FHIT: variants seen among roughly 807,000 people sequenced by gnomAD.
FHIT encodes fragile histidine triad diadenosine triphosphatase, also known as bis(5'-adenosyl)-triphosphatase.
In FHIT, 19 loss-of-function variants were observed where a neutral mutation model predicts 17.9. The ratio of observed to expected loss-of-function variants is 1.06; its 90% CI spans 0.74 to 1.56. The LOEUF (loss-of-function observed/expected upper bound fraction) is 1.56, where lower values mean the gene tolerates loss of function less well. FHIT is among the 40% of genes most tolerant of loss of function. The pLI is 0.00. For synonymous variants in FHIT, 81 were observed against 69.7 expected, an observed-to-expected ratio of 1.16 and a Z score of -0.81; for missense variants, 248 against 189.2, an observed-to-expected ratio of 1.31 and a Z score of -1.82.
chr3:60,177,037 T>A (rs1995067), intron 5 of FHIT, among the ~76,000 whole-genome samples: 1 of 151,798 alleles, frequency 6.6e-6, no homozygotes, highest in Non-Finnish European at 1.5e-5. Flanking sequence ...AAAATGCTCA[T>A]AGGGAGACTG....
intron 5 of FHIT, among the ~76,000 whole-genome samples, chr3:60,294,709 T>C (rs1360690274): frequency 6.6e-6 from 1 of 152,170 alleles, no homozygotes; most frequent in Non-Finnish European, 1.5e-5. Context: ...CTAACCATCC[T>C]TAATCACTGC....
intron 8 of FHIT, among the ~76,000 whole-genome samples, chr3:59,812,992 G>T (rs980380129): frequency 6.6e-6 from 1 of 152,074 alleles, no homozygotes. Flanking sequence ...GGGTTTAACA[G>T]TAAGTCCTAA....
At chr3:60,679,384 A>T (rs1271585524) in intron 4 of FHIT, among the ~76,000 whole-genome samples, 2 of 152,196 alleles carry the variant, frequency 1.3e-5, no homozygotes, top group African/African-American at 4.8e-5. Context: ...AAACATTTTT[A>T]AAAATCACAT....
chr3:60,746,452 G>T (rs530184067), intron 4 of FHIT, among the ~76,000 whole-genome samples: 1 of 152,160 alleles, frequency 6.6e-6, no homozygotes, highest in South Asian at 2.1e-4. Context: ...CGACAGCAGC[G>T]GCCTATGGTT....
chr3:60,288,129 T>A (rs915329516), intron 5 of FHIT, among the ~76,000 whole-genome samples: 1 of 152,140 alleles, frequency 6.6e-6, no homozygotes, highest in African/African-American at 2.4e-5. Context: ...AGGCTGGAAG[T>A]TGGCGCTGGC....
intron 6 of FHIT, among the ~76,000 whole-genome samples, chr3:60,012,712 G>C (rs1171908210): frequency 6.6e-6 from 1 of 152,114 alleles, no homozygotes; most frequent in Non-Finnish European, 1.5e-5. Context: ...GCATGATTTT[G>C]AAATAAATAT....
chr3:60,582,797 T>C (rs1295218705), intron 4 of FHIT, among the ~76,000 whole-genome samples: 10 of 152,184 alleles, frequency 6.6e-5, no homozygotes, highest in African/African-American at 2.4e-4. Flanking sequence ...TTATTATAGG[T>C]TTACTGTGTG....
Position 61,160,993 on chromosome 3 carries a change from T to C in FHIT, c.-164+39624A>G, listed in dbSNP as rs28560409. Among the ~76,000 whole-genome samples the C allele has an allele frequency of 7.0e-3, 1,062 of 152,280 alleles. 10 individuals carry two copies. Among genetic ancestry groups the C allele is most frequent in the African/African-American group, 0.025 (1,021 of 41,568 alleles). On this transcript the variant is annotated intron_variant, in intron 2 of 9. Coordinates refer to ENST00000492590, the MANE Select transcript of FHIT (RefSeq NM_002012.4). ...GTAATAGAAATATCTGGGTATAAAA[T>C]TGAGAAATTGTTCATAAATATTATG...
chr3:60,322,608 G>C (rs1017356757), intron 5 of FHIT, among the ~76,000 whole-genome samples: 1 of 152,284 alleles, frequency 6.6e-6, no homozygotes, highest in South Asian at 2.1e-4. Flanking sequence ...GATATGATGT[G>C]TTATTTGTAA....
At chr3:59,777,369 C>T (rs1489097232) in intron 8 of FHIT, among the ~76,000 whole-genome samples, 1 of 151,390 alleles carries the variant, frequency 6.6e-6, no homozygotes, top group Non-Finnish European at 1.5e-5. Flanking sequence ...ATATTTATCA[C>T]CCAAAGATAA....
chr3:60,573,196 A>G (rs1286813643), intron 4 of FHIT, among the ~76,000 whole-genome samples: 2 of 152,108 alleles, frequency 1.3e-5, no homozygotes, highest in Admixed American at 6.6e-5. Flanking sequence ...ATGGAATGCA[A>G]TCATGAGGAC....
intron 3 of FHIT, among the ~76,000 whole-genome samples, chr3:60,871,573 A>C (rs1704418815): frequency 6.6e-6 from 1 of 152,164 alleles, no homozygotes; most frequent in African/African-American, 2.4e-5. Context: ...ATAAATAAGG[A>C]AGGGGCCCAG....
intron 3 of FHIT, among the ~76,000 whole-genome samples, chr3:60,841,662 T>G (rs180784042): frequency 4.9e-4 from 74 of 152,320 alleles, no homozygotes; most frequent in Non-Finnish European, 7.4e-4. Context: ...TTCAGTCCCT[T>G]GCAAAATGCC....
At chr3:59,868,047 T>TTTTTTA (rs397964099) in intron 8 of FHIT, among the ~76,000 whole-genome samples, 1 of 111,346 alleles carries the variant, frequency 9.0e-6, no homozygotes, top group Admixed American at 9.7e-5. Context: ...TTTTTTTTTT[T>TTTTTTA]AAAAAAAAAA....
chr3:60,299,762 A>T (rs1030359818), intron 5 of FHIT, among the ~76,000 whole-genome samples: 2 of 152,092 alleles, frequency 1.3e-5, no homozygotes, highest in Non-Finnish European at 2.9e-5. Flanking sequence ...CCTGACAAGG[A>T]GGCTGGAGTG....
intron 4 of FHIT, among the ~76,000 whole-genome samples, chr3:60,649,034 T>C (rs1446010106): frequency 6.6e-6 from 1 of 152,240 alleles, no homozygotes; most frequent in East Asian, 1.9e-4. Context: ...ATTATTGACA[T>C]AGAAATTCCA....
At chr3:61,192,629 C>A (rs1041185632) in intron 2 of FHIT, among the ~76,000 whole-genome samples, 1 of 152,166 alleles carries the variant, frequency 6.6e-6, no homozygotes, top group African/African-American at 2.4e-5. Flanking sequence ...AAGGCATCTT[C>A]GGTGATAAAT....
intron 5 of FHIT, among the ~76,000 whole-genome samples, chr3:60,163,989 G>T (rs1394204924): frequency 2.0e-5 from 3 of 152,076 alleles, no homozygotes; most frequent in South Asian, 4.2e-4. Flanking sequence ...GACAGTGCTG[G>T]CTTCTGCTCA....
intron 5 of FHIT, among the ~76,000 whole-genome samples, chr3:60,176,933 C>T (rs1701701090): frequency 6.6e-6 from 1 of 151,762 alleles, no homozygotes; most frequent in African/African-American, 2.4e-5. Flanking sequence ...TGGAAAGAAA[C>T]CAAGGAGGGC....
Sources: gnomAD v4.1 joint callset for allele counts (sites outside exome capture counted in the v4.1 genomes callset) on GRCh38, gnomAD v4.1.1 for gene constraint, MANE v1.5 for transcripts, NCBI Gene and HGNC (gene_info 2026-07-23, HGNC 2026-07-21) for gene names.